Variants in POU2F1 observed in about 807,000 individuals in gnomAD.
The protein encoded by POU2F1 is POU class 2 homeobox 1.
In POU2F1, 16 loss-of-function variants were observed where a neutral mutation model predicts 84.9. The ratio of observed to expected loss-of-function variants is 0.19; its 90% CI spans 0.13 to 0.29. POU2F1 has a LOEUF of 0.29. Ranked by LOEUF, POU2F1 falls within the 10% of genes least tolerant of loss-of-function variation. The pLI is 1.00. For missense variants in POU2F1, 738 were observed against 942.6 expected, an observed-to-expected ratio of 0.78 and a Z score of 2.84; for synonymous variants, 368 against 368.3, an observed-to-expected ratio of 1.00 and a Z score of 0.01.
At chr1:167,401,607 T>G (rs1293309910) in intron 13 of POU2F1, 51 bp downstream of exon 13, 2 of 1,294,254 alleles carry the variant, frequency 1.5e-6, no homozygotes, top group Non-Finnish European at 2.1e-6. Flanking sequence ...AGGCCCGTTT[T>G]GGGTTATTAT....
At chr1:167,399,514 A>T in intron 12 of POU2F1, 149 bp downstream of exon 12, 2 of 737,410 alleles carry the variant, frequency 2.7e-6, no homozygotes, top group Non-Finnish European at 4.3e-6. Context: ...GACATTACCA[A>T]GGTAATGAAA....
intron 6 of POU2F1, among the ~76,000 whole-genome samples, chr1:167,374,937 G>C (rs867237870): frequency 6.6e-6 from 1 of 151,930 alleles, no homozygotes; most frequent in African/African-American, 2.4e-5. Flanking sequence ...TGTGGTGGCA[G>C]GTGCCTGTAA....
At chr1:167,347,134 A>G (rs1449501985) in intron 2 of POU2F1, among the ~76,000 whole-genome samples, 2 of 152,222 alleles carry the variant, frequency 1.3e-5, no homozygotes, top group Non-Finnish European at 2.9e-5. Flanking sequence ...GGGTGTCGGA[A>G]ATTTAGTCTA....
intron 1 of POU2F1, among the ~76,000 whole-genome samples, chr1:167,240,447 A>G (rs1326848682): frequency 6.6e-6 from 1 of 152,212 alleles, no homozygotes; most frequent in African/African-American, 2.4e-5. Context: ...AGCGTATTTT[A>G]TATACTCGTG....
intron 1 of POU2F1, among the ~76,000 whole-genome samples, chr1:167,242,081 C>T (rs188525016): frequency 2.4e-4 from 37 of 152,228 alleles, no homozygotes; most frequent in African/African-American, 8.7e-4. Flanking sequence ...GATTTTGGAC[C>T]TAAGTTACCT....
intron 1 of POU2F1, among the ~76,000 whole-genome samples, chr1:167,255,086 G>T (rs1651032448): frequency 6.6e-6 from 1 of 152,176 alleles, no homozygotes; most frequent in Admixed American, 6.5e-5. Context: ...TCAGGCATCT[G>T]TATTTTTACA....
chr1:167,413,328 A>G (rs1255360920), intron 15 of POU2F1, among the ~76,000 whole-genome samples: 1 of 152,232 alleles, frequency 6.6e-6, no homozygotes, highest in East Asian at 1.9e-4. Context: ...AGGTGTTAGT[A>G]TGTGAGTAAA....
At chr1:167,250,232 A>G (rs1348458016) in intron 1 of POU2F1, among the ~76,000 whole-genome samples, 1 of 152,164 alleles carries the variant, frequency 6.6e-6, no homozygotes, top group East Asian at 1.9e-4. Context: ...ATGGTTGGGC[A>G]CTCATCTTTA....
At chr1:167,255,537 G>A (rs898719726) in intron 1 of POU2F1, among the ~76,000 whole-genome samples, 3 of 152,166 alleles carry the variant, frequency 2.0e-5, no homozygotes, top group African/African-American at 7.2e-5. Context: ...TATGAAGAAA[G>A]GAGAATAAGA....
At chr1:167,368,970 T>C (rs2101838681) in intron 3 of POU2F1, among the ~76,000 whole-genome samples, 1 of 152,316 alleles carries the variant, frequency 6.6e-6, no homozygotes, top group South Asian at 2.1e-4. Flanking sequence ...ATGACTCTCT[T>C]TTTTTAATCT....
At chr1:167,329,273 A>G (rs1164644236) in intron 1 of POU2F1, 2 of 1,548,020 alleles carry the variant, frequency 1.3e-6, no homozygotes, top group African/African-American at 1.4e-5. Context: ...AGAAGATTTC[A>G]CAGCAATGCT....
chr1:167,293,602 T>C (rs1327078820), intron 1 of POU2F1, among the ~76,000 whole-genome samples: 1 of 152,042 alleles, frequency 6.6e-6, no homozygotes, highest in Non-Finnish European at 1.5e-5. Context: ...ATTAGAAAAA[T>C]ATCCTAAAAT....
intron 2 of POU2F1, among the ~76,000 whole-genome samples, chr1:167,349,359 A>G (rs2101781074): frequency 6.6e-6 from 1 of 152,302 alleles, no homozygotes; most frequent in Admixed American, 6.5e-5. Flanking sequence ...TATGGAATTC[A>G]TAAATGCATT....
At chr1:167,319,651 C>G (rs1656170795) in intron 1 of POU2F1, among the ~76,000 whole-genome samples, 1 of 151,718 alleles carries the variant, frequency 6.6e-6, no homozygotes, top group Admixed American at 6.6e-5. Flanking sequence ...GAATGCCCAT[C>G]ACTGCAAAAC....
rs1571491322 is a variant in POU2F1, at chr1:167,423,287, A to G, written c.*7477A>G. 6.6e-6 allele frequency: 1 copy of G among 152,344 alleles called. No individual in the cohort carries two copies. Among genetic ancestry groups the G allele is most frequent in the South Asian group, 2.1e-4 (1 of 4,828 alleles). The allele number at this position is 152,344 out of a possible 1,614,324, so 9.4% of individuals were successfully genotyped here. On this transcript the variant is annotated 3_prime_UTR_variant, in exon 16 of 16. Transcript: ENST00000367866. ...ATTGTTTCGGTGTACTATTGATAGG[A>G]CACAGAAAGGGAGAGAGGGTAAAGA...
chr1:167,318,074 T>C (rs1353814873), intron 1 of POU2F1, among the ~76,000 whole-genome samples: 1 of 152,224 alleles, frequency 6.6e-6, no homozygotes, highest in African/African-American at 2.4e-5. Flanking sequence ...GTTCCTGGCA[T>C]TAAGGTCACG....
Position 167,306,274 on chromosome 1 carries a change from AC to A in POU2F1, c.62-26194del, listed in dbSNP as rs575152812. On this transcript the variant is annotated intron_variant, in intron 1 of 15. Transcript: ENST00000367866. ...ATGAAGACAAAAGAAGAAAAAGAAAACCACTAGTACTTTAGACATGTTCAGA... is the reference window on the plus strand; with the variant it reads ...ATGAAGACAAAAGAAGAAAAAGAAAACACTAGTACTTTAGACATGTTCAGA... Among the ~76,000 whole-genome samples the A allele has an allele frequency of 5.3e-5, 8 of 152,330 alleles. No individual in the cohort carries two copies. In the South Asian group the frequency reaches 1.7e-3, roughly 32 times the overall value.
At chr1:167,239,023 A>G (rs960168189) in intron 1 of POU2F1, among the ~76,000 whole-genome samples, 1 of 152,176 alleles carries the variant, frequency 6.6e-6, no homozygotes, top group Non-Finnish European at 1.5e-5. Flanking sequence ...TTAACCTTTA[A>G]TCTTTTCTCC....
intron 13 of POU2F1, among the ~76,000 whole-genome samples, chr1:167,401,978 C>T (rs893084737): frequency 4.1e-4 from 63 of 152,192 alleles, no homozygotes; most frequent in Non-Finnish European, 4.6e-4. Context: ...TCCCAGGAAA[C>T]TATTCATTTC....
Sources: gnomAD v4.1 joint callset for allele counts (sites outside exome capture counted in the v4.1 genomes callset) on GRCh38, gnomAD v4.1.1 for gene constraint, MANE v1.5 for transcripts, NCBI Gene and HGNC (gene_info 2026-07-23, HGNC 2026-07-21) for gene names.